Variants in TLN2 observed in about 807,000 individuals in gnomAD.
The protein encoded by TLN2 is talin-2.
In TLN2, 118 loss-of-function variants were observed where a neutral mutation model predicts 294.7. That is an observed-to-expected ratio of 0.40 (90% CI 0.34 to 0.47). The LOEUF (loss-of-function observed/expected upper bound fraction) is 0.47, where lower values mean the gene tolerates loss of function less well. TLN2 is among the 20% of genes least tolerant of loss of function. TLN2 has a pLI of 0.84. For missense variants in TLN2, 3,083 were observed against 3,282.2 expected (o/e 0.94, Z 1.48); for synonymous variants, 1,431 against 1,304.5 (o/e 1.10, Z -2.09).
At chr15:62,796,325 A>C in intron 47 of TLN2, 32 bp downstream of exon 47, 1 of 1,587,298 alleles carries the variant, frequency 6.3e-7, no homozygotes, top group Non-Finnish European at 8.6e-7. Context: ...GGAGAGGTTC[A>C]GGCTGGCCTG....
chr15:62,714,189 G>GTTTTTTTTTTTTT, intron 22 of TLN2, among the ~76,000 whole-genome samples: 1 of 96,392 alleles, frequency 1.0e-5, no homozygotes, highest in African/African-American at 3.8e-5. Context: ...CAATGTGCAC[G>GTTTTTTTTTTTTT]TTTTTTTTTT....
intron 44 of TLN2, among the ~76,000 whole-genome samples, chr15:62,782,718 C>T (rs1194728135): frequency 6.6e-6 from 1 of 152,246 alleles, no homozygotes; most frequent in Admixed American, 6.5e-5. Flanking sequence ...GCGGCCACAT[C>T]TCAGCCTGAA....
At chr15:62,738,192 T>G in intron 29 of TLN2, 22 bp from the exon 30 acceptor site, 1 of 1,612,680 alleles carries the variant, frequency 6.2e-7, no homozygotes. Flanking sequence ...TTAAAGGTGC[T>G]TCTCTCTCTC....
At position 62,556,488 on chromosome 15, in the gene TLN2, T is replaced by A. The variant is rs149111886; in HGVS notation, c.-237-33199T>A. Among the ~76,000 whole-genome samples, 1,103 of 152,062 alleles carry A rather than the reference T, an allele frequency of 7.3e-3. 14 individuals are homozygous for A. Among genetic ancestry groups the A allele is most frequent in the African/African-American group, 0.025 (1,056 of 41,488 alleles). On this transcript the variant is annotated intron_variant, in intron 1 of 58. Transcript: ENST00000636159. ...TATCTGGCTAATTTTTTGTACTTTT[T>A]TTTTTGTAGAGATGGAGTTTTGCCA...
At chr15:62,450,567 G>GTGTGTGTGTC (rs1555409171) in intron 1 of TLN2, among the ~76,000 whole-genome samples, 4 of 150,782 alleles carry the variant, frequency 2.7e-5, no homozygotes, top group African/African-American at 9.8e-5. Context: ...GTGTGTGTGT[G>GTGTGTGTGTC]TGTGTGTCTG....
At chr15:62,457,796 G>T (rs1426560499) in intron 1 of TLN2, among the ~76,000 whole-genome samples, 1 of 152,206 alleles carries the variant, frequency 6.6e-6, no homozygotes, top group Non-Finnish European at 1.5e-5. Context: ...GCTGGATGGA[G>T]CATGAAGTCC....
intron 35 of TLN2, 48 bp downstream of exon 35, chr15:62,752,475 G>C (rs373861652): frequency 2.5e-6 from 4 of 1,597,714 alleles, no homozygotes; most frequent in African/African-American, 2.7e-5. Context: ...CCAGATCCCT[G>C]TGGGAGGTGT....
At chr15:62,833,377 A>G in intron 54 of TLN2, 127 bp from the exon 55 acceptor site, 1 of 1,330,794 alleles carries the variant, frequency 7.5e-7, no homozygotes, top group Non-Finnish European at 1.0e-6. Context: ...ATCCCATTTC[A>G]GGTGTGGTTT....
At chr15:62,526,457 C>T (rs926042175) in intron 1 of TLN2, among the ~76,000 whole-genome samples, 3 of 152,248 alleles carry the variant, frequency 2.0e-5, no homozygotes, top group South Asian at 2.1e-4. Context: ...TGATATGCGT[C>T]GCTGGAACTT....
rs115937989 is a variant in TLN2, at chr15:62,833,670, C to G, written c.7128+41C>G. ...GACCACATGCGGGACACTCAACGTA[C>G]GAGAGCCTCAGGGGGCCCAGGAAAA... On this transcript the variant is annotated intron_variant, in intron 55 of 58. Coordinates refer to ENST00000636159, the MANE Select transcript of TLN2 (RefSeq NM_015059.3). 1,137 of 1,598,438 alleles carry G rather than the reference C, an allele frequency of 7.1e-4. 2 individuals carry two copies. The highest frequency in any genetic ancestry group is 5.3e-3 in the African/African-American group (396 of 74,424).
intron 2 of TLN2, among the ~76,000 whole-genome samples, chr15:62,592,524 A>G (rs2046162264): frequency 6.6e-6 from 1 of 152,242 alleles, no homozygotes; most frequent in African/African-American, 2.4e-5. Flanking sequence ...GTATAGTAAT[A>G]TGAGAGATTA....
intron 9 of TLN2, among the ~76,000 whole-genome samples, chr15:62,659,524 G>A (rs902797899): frequency 2.2e-4 from 34 of 152,192 alleles, no homozygotes; most frequent in Non-Finnish European, 1.3e-4. Context: ...ATTGGTATTG[G>A]TCTTAAAATT....
rs1299563860 is a variant in TLN2 at position 62,712,022 on chromosome 15, T to G, written c.2579T>G (p.Leu860Arg). ...EIDMENSKKL[L>R]AAAKLLADST... is the part of the protein sequence containing the mutation. ...GACATGGAGAATTCAAAGAAGCTCCTGGCAGCAGCAAAACTCTTAGCTGAC... is the reference window on the plus strand; with the variant it reads ...GACATGGAGAATTCAAAGAAGCTCCGGGCAGCAGCAAAACTCTTAGCTGAC... Residue 860 changes from leucine (L) to arginine (R), a missense_variant, in exon 22 of 59, where the codon CTG becomes CGG. Coordinates refer to ENST00000636159, the MANE Select transcript of TLN2 (RefSeq NM_015059.3). 6.2e-7 allele frequency: 1 copy of G among 1,614,230 alleles called. No individual in the cohort carries two copies. The highest frequency in any genetic ancestry group is 8.5e-7 in the Non-Finnish European group (1 of 1,180,030).
intron 33 of TLN2, among the ~76,000 whole-genome samples, chr15:62,749,828 T>C (rs1173710524): frequency 6.6e-6 from 1 of 152,240 alleles, no homozygotes; most frequent in Non-Finnish European, 1.5e-5. Flanking sequence ...AGCCAGGCCC[T>C]ATACCCATGT....
At chr15:62,790,507 A>G (rs1052978570) in intron 45 of TLN2, among the ~76,000 whole-genome samples, 19 of 152,338 alleles carry the variant, frequency 1.2e-4, no homozygotes, top group African/African-American at 3.8e-4. Context: ...GGGTCTGTAA[A>G]ATGGGGAGGT....
At chr15:62,762,523 G>C in intron 39 of TLN2, 70 bp downstream of exon 39, 2 of 1,525,466 alleles carry the variant, frequency 1.3e-6, no homozygotes, top group Non-Finnish European at 1.8e-6. Flanking sequence ...AAGCCCACCA[G>C]GCTTTTTACT....
intron 1 of TLN2, among the ~76,000 whole-genome samples, chr15:62,491,417 G>T (rs1345891677): frequency 6.8e-6 from 1 of 147,656 alleles, no homozygotes; most frequent in Non-Finnish European, 1.5e-5. Flanking sequence ...ATGTACATTG[G>T]TACCTTCTGG....
chr15:62,511,737 A>C (rs2039949665), intron 1 of TLN2, among the ~76,000 whole-genome samples: 1 of 152,136 alleles, frequency 6.6e-6, no homozygotes, highest in South Asian at 2.1e-4. Context: ...AAATTTCTAG[A>C]GATTGGTATA....
At chr15:62,738,128 C>G (rs2061129125) in intron 29 of TLN2, 86 bp from the exon 30 acceptor site, 2 of 1,508,640 alleles carry the variant, frequency 1.3e-6, no homozygotes, top group Non-Finnish European at 9.0e-7. Flanking sequence ...GTATCTGCTT[C>G]AGCTCTGCAT....
Sources: allele counts gnomAD v4.1 joint callset (sites outside exome capture counted in the v4.1 genomes callset), GRCh38; gene constraint gnomAD v4.1.1; transcripts MANE v1.5; gene names NCBI Gene and HGNC (gene_info 2026-07-23, HGNC 2026-07-21).